The following PCDHGA3 variants were observed in gnomAD, a reference collection of about 807,000 sequenced individuals.
PCDHGA3 encodes the protein protocadherin gamma-A3.
In PCDHGA3, 40 loss-of-function variants were observed where a neutral mutation model predicts 58.5. That is an observed-to-expected ratio of 0.68 (90% CI 0.53 to 0.89). The LOEUF (loss-of-function observed/expected upper bound fraction) is 0.89. PCDHGA3 is among the 40% of genes least tolerant of loss of function. The probability of loss-of-function intolerance (pLI) is 0.00; values close to 1 mark genes in which losing one functional copy is unlikely to be tolerated. For synonymous variants in PCDHGA3, 530 were observed against 525.7 expected (o/e 1.01, Z -0.11); for missense variants, 1,223 against 1,195.9 (o/e 1.02, Z -0.33).
At chr5:141,458,728 T>A (rs1010109573) in intron 1 of PCDHGA3, among the ~76,000 whole-genome samples, 1 of 151,870 alleles carries the variant, frequency 6.6e-6, no homozygotes, top group Non-Finnish European at 1.5e-5. Context: ...CGCCACCACA[T>A]CCAGCTATTG....
rs776625788 is a variant in PCDHGA3 at position 141,344,879 on chromosome 5, T to A, written c.846T>A (p.Asp282Glu). Reference protein sequence around the residue: ...GFNAQVSYILDKMPGKIAEIF... With the variant: ...GFNAQVSYILEKMPGKIAEIF... ...ATGCTCAAGTGTCTTATATTCTAGA[T>A]AAAATGCCTGGGAAAATCGCTGAGA... The change falls in exon 1 of 4, where the codon GAT becomes GAA. Residue 282 changes from aspartate (D) to glutamate (E), a missense_variant. Physicochemically the swap from Asp to Glu is conservative, Grantham distance 45. This residue lies in a region of PCDHGA3 where 791 missense variants were observed against 708.5 expected (regional missense o/e 1.12). Coordinates refer to ENST00000253812, the MANE Select transcript of PCDHGA3 (RefSeq NM_018916.4). 1.9e-6 allele frequency: 3 copies of A among 1,613,804 alleles called. No homozygotes were observed. In the African/African-American group the frequency reaches 4.0e-5, roughly 22 times the overall value.
In PCDHGA3 at chr5:141,432,452, C is replaced by T. The variant is rs780149710; in HGVS notation, c.2425-62355C>T. 3.7e-6 allele frequency: 6 copies of T among 1,614,094 alleles called. No homozygotes were observed. The highest frequency in any genetic ancestry group is 1.6e-4 in the Middle Eastern group (1 of 6,082). On this transcript the variant is annotated intron_variant, in intron 1 of 3. Coordinates refer to ENST00000253812, the MANE Select transcript of PCDHGA3 (RefSeq NM_018916.4). The surrounding 1 kb of genome is among the most constrained non-coding windows in gnomAD (Gnocchi z 6.0). ...CGACAATGCGCCCGAGATCCTGTACCCCGCCCTCCCCACGGACGGTTCCAC... is the reference window on the plus strand; with the variant it reads ...CGACAATGCGCCCGAGATCCTGTACTCCGCCCTCCCCACGGACGGTTCCAC...
At chr5:141,381,826 C>CTTTTTTTTTT (rs770630741) in intron 1 of PCDHGA3, among the ~76,000 whole-genome samples, 29 of 74,274 alleles carry the variant, frequency 3.9e-4, no homozygotes, top group South Asian at 5.1e-4. Context: ...CTTTCTTCTT[C>CTTTTTTTTTT]TTTTTTTTTT....
chr5:141,365,777 G>C, intron 1 of PCDHGA3: 1 of 1,613,854 alleles, frequency 6.2e-7, no homozygotes, highest in Non-Finnish European at 8.5e-7. Flanking sequence ...CGACAGCGGC[G>C]ACAACGCTCG....
chr5:141,409,914 G>T lies in PCDHGA3; in HGVS notation c.2424+63457G>T, dbSNP rs772848211. 58 of 1,613,230 alleles carry T rather than the reference G, an allele frequency of 3.6e-5. No homozygotes were observed. In the East Asian group the frequency reaches 1.2e-3, roughly 35 times the overall value. On this transcript the variant is annotated intron_variant, in intron 1 of 3. Transcript: ENST00000253812. ...CTGTACCCAGCTCTGGGTCCTGACGGCTCCGCGTTCTTCGATATGGTACCT... is the reference window on the plus strand; with the variant it reads ...CTGTACCCAGCTCTGGGTCCTGACGTCTCCGCGTTCTTCGATATGGTACCT...
intron 1 of PCDHGA3, chr5:141,399,663 G>A: frequency 6.2e-7 from 1 of 1,613,624 alleles, no homozygotes; most frequent in Non-Finnish European, 8.5e-7. Flanking sequence ...TGGTGTTCGC[G>A]CAGCGCGCCT....
chr5:141,444,194 G>A (rs1209269773), intron 1 of PCDHGA3, among the ~76,000 whole-genome samples: 1 of 67,352 alleles, frequency 1.5e-5, no homozygotes, highest in Non-Finnish European at 2.7e-5. Flanking sequence ...TTTTTGAGAT[G>A]GAGTTTCACT....
In PCDHGA3 at chr5:141,357,499, C is replaced by T. The variant is rs781648903; in HGVS notation, c.2424+11042C>T. On this transcript the variant is annotated intron_variant, in intron 1 of 3. Coordinates refer to ENST00000253812, the MANE Select transcript of PCDHGA3 (RefSeq NM_018916.4). The stretch of plus-strand genomic sequence containing the variant: ...CCTCACCGCGGACTCGCGGAAGAGT[C>T]ACCTGATCTTCTCCCAACCCAGCTA... The T allele has an allele frequency of 1.9e-6, 3 of 1,614,256 alleles. No individual in the cohort carries two copies. In the South Asian group the frequency reaches 3.3e-5, roughly 18 times the overall value.
At chr5:141,362,466 G>C (rs753193547) in intron 1 of PCDHGA3, 2 of 1,613,924 alleles carry the variant, frequency 1.2e-6, no homozygotes, top group African/African-American at 1.3e-5. Context: ...TGGTTCCCGC[G>C]CAAGATCTCG....
At chr5:141,403,163 A>G (rs1357883715) in intron 1 of PCDHGA3, 1 of 1,614,052 alleles carries the variant, frequency 6.2e-7, no homozygotes, top group Admixed American at 1.7e-5. Context: ...CTCTAGAGGT[A>G]GGACGCAGCT....
chr5:141,404,835 C>T, intron 1 of PCDHGA3: 1 of 1,613,920 alleles, frequency 6.2e-7, no homozygotes, highest in Non-Finnish European at 8.5e-7. Context: ...GAAGTGCGCA[C>T]AGCTCGGGCC....
intron 1 of PCDHGA3, chr5:141,375,626 T>C (rs1370159999): frequency 6.2e-7 from 1 of 1,614,202 alleles, no homozygotes; most frequent in South Asian, 1.1e-5. Context: ...TGGGATTCTG[T>C]ACGCCCTGCG....
rs749937052 is a variant in PCDHGA3, at chr5:141,490,441, G to A, written c.2425-4366G>A. ...CCTGCCATTTCAGATTAAGCCTTCT[G>A]AGAACCACTACTCGCTGCTAACCAG... On this transcript the variant is annotated intron_variant, in intron 1 of 3. Coordinates refer to ENST00000253812, the MANE Select transcript of PCDHGA3 (RefSeq NM_018916.4). The surrounding 1 kb of genome is among the most constrained non-coding windows in gnomAD (Gnocchi z 5.4). The A allele has an allele frequency of 9.3e-6, 15 of 1,614,208 alleles. No homozygotes were observed. The highest frequency in any genetic ancestry group is 1.2e-5 in the Non-Finnish European group (14 of 1,180,042).
intron 1 of PCDHGA3, among the ~76,000 whole-genome samples, chr5:141,492,760 C>T (rs991820569): frequency 1.3e-5 from 2 of 152,212 alleles, no homozygotes; most frequent in Admixed American, 1.3e-4. Context: ...CAGGGCTCCG[C>T]GTTGGGCGAG....
chr5:141,351,366 A>G (rs773042638), intron 1 of PCDHGA3: 2 of 1,613,000 alleles, frequency 1.2e-6, no homozygotes, highest in South Asian at 2.2e-5. Flanking sequence ...AAAGTGCGAG[A>G]CAAGGATTCT....
chr5:141,478,011 G>A (rs1216659966), intron 1 of PCDHGA3: 1 of 1,614,088 alleles, frequency 6.2e-7, no homozygotes, highest in East Asian at 2.2e-5. Flanking sequence ...AGTACTGCCC[G>A]TCCAGTCCAA....
At position 141,345,581 on chromosome 5, in the gene PCDHGA3, G is replaced by T. The variant is rs1757602963; in HGVS notation, c.1548G>T (p.Ala516=). Residue 516 remains alanine (A), a synonymous_variant, in exon 1 of 4, where the codon GCG becomes GCT. Transcript: ENST00000253812. ...SINSNTGVLY[A]LRSFDYEQFR... ...ACTCCAACACTGGCGTCCTATACGCGCTGAGATCCTTCGACTACGAGCAAT... is the reference window on the plus strand; with the variant it reads ...ACTCCAACACTGGCGTCCTATACGCTCTGAGATCCTTCGACTACGAGCAAT... The T allele has an allele frequency of 1.2e-6, 2 of 1,614,172 alleles. No homozygotes were observed. Among genetic ancestry groups the T allele is most frequent in the Non-Finnish European group, 1.7e-6 (2 of 1,180,030 alleles).
At chr5:141,372,123 A>G (rs1435565099) in intron 1 of PCDHGA3, 3 of 1,613,632 alleles carry the variant, frequency 1.9e-6, no homozygotes, top group Non-Finnish European at 2.5e-6. Context: ...GCTCTTCGAT[A>G]TGGTGCCGCG....
At chr5:141,409,145 T>G (rs2095231039) in intron 1 of PCDHGA3, 1 of 1,613,884 alleles carries the variant, frequency 6.2e-7, no homozygotes, top group Non-Finnish European at 8.5e-7. Flanking sequence ...TGTAGAAAGG[T>G]ACACCATGGA....
Sources: gnomAD v4.1 joint callset for allele counts (sites outside exome capture counted in the v4.1 genomes callset) on GRCh38, gnomAD v4.1.1 for gene constraint, gnomAD v4.1.1 regional missense constraint, Gnocchi (gnomAD v3.1) non-coding constraint, MANE v1.5 for transcripts, NCBI Gene and HGNC (gene_info 2026-07-23, HGNC 2026-07-21) for gene names.